RBFOX1: variants seen among roughly 807,000 people sequenced by gnomAD.
The protein encoded by RBFOX1 is RNA binding fox-1 homolog 1.
RBFOX1 carries 8 observed loss-of-function variants against 57.7 expected under a neutral mutation model. That is an observed-to-expected ratio of 0.14 (90% confidence interval 0.08 to 0.25). The LOEUF (loss-of-function observed/expected upper bound fraction) is 0.25. Ranked by LOEUF, RBFOX1 falls within the 10% of genes least tolerant of loss-of-function variation. The pLI, the probability that RBFOX1 is intolerant of heterozygous loss-of-function variation, is 1.00. For missense variants in RBFOX1, 611 were observed against 548.5 expected (o/e 1.11, Z -1.14); for synonymous variants, 326 against 222.4 (o/e 1.47, Z -4.15).
chr16:5,924,960 G>A (rs547364318), intron 4 of RBFOX1, among the ~76,000 whole-genome samples: 83 of 152,264 alleles, frequency 5.5e-4, no homozygotes, highest in African/African-American at 1.9e-3. Context: ...CCCTAAGTTG[G>A]TTCAGGGACC....
chr16:6,845,245 C>T (rs6500849), intron 3 of RBFOX1, among the ~76,000 whole-genome samples: 120,407 of 152,016 alleles, frequency 0.79, 48,558 homozygotes, highest in African/African-American at 0.95. Flanking sequence ...GTTATGAATC[C>T]TTGCCCGTAC....
intron 4 of RBFOX1, among the ~76,000 whole-genome samples, chr16:7,271,223 G>A (rs1329420597): frequency 6.6e-6 from 1 of 152,006 alleles, no homozygotes; most frequent in Admixed American, 6.6e-5. Context: ...TCCCATGCTT[G>A]CCTTTGTCTA....
At chr16:6,435,302 GTTTTGT>G (rs6145736) in intron 2 of RBFOX1, among the ~76,000 whole-genome samples, 1 of 151,268 alleles carries the variant, frequency 6.6e-6, no homozygotes, top group Non-Finnish European at 1.5e-5. Flanking sequence ...GTTGTTTTTT[GTTTTGT>G]TTTTGTTTTT....
intron 4 of RBFOX1, among the ~76,000 whole-genome samples, chr16:7,501,713 C>G (rs2070940566): frequency 6.6e-6 from 1 of 152,180 alleles, no homozygotes; most frequent in African/African-American, 2.4e-5. Context: ...TGTATCCTAC[C>G]ACCTGGCTGC....
chr16:6,764,369 T>C (rs7199188), intron 3 of RBFOX1, among the ~76,000 whole-genome samples: 45,961 of 152,118 alleles, frequency 0.3, 8,916 homozygotes, highest in Non-Finnish European at 0.43. Context: ...TCAGTCCTTA[T>C]GGTAGTCGGG....
intron 4 of RBFOX1, among the ~76,000 whole-genome samples, chr16:7,217,245 G>A (rs1426617220): frequency 6.7e-6 from 1 of 150,168 alleles, no homozygotes; most frequent in African/African-American, 2.5e-5. Context: ...GGGACTACAG[G>A]TGCGTTCCAC....
chr16:7,069,441 T>C (rs747104474), intron 4 of RBFOX1, among the ~76,000 whole-genome samples: 7 of 152,206 alleles, frequency 4.6e-5, no homozygotes, highest in Non-Finnish European at 1.0e-4. Context: ...AGTGAGAGCA[T>C]GCGGTGTTCA....
At chr16:6,315,509 ATGGG>A (rs1372753016) in intron 1 of RBFOX1, among the ~76,000 whole-genome samples, 72 of 150,202 alleles carry the variant, frequency 4.8e-4, no homozygotes, top group Admixed American at 1.3e-3. Context: ...GGATGGATGG[ATGGG>A]TGGATGGGTG....
intron 4 of RBFOX1, among the ~76,000 whole-genome samples, chr16:7,326,818 C>T (rs192414002): frequency 2.0e-5 from 3 of 152,090 alleles, no homozygotes; most frequent in Non-Finnish European, 2.9e-5. Flanking sequence ...GCCCTCAGGT[C>T]ACTTGTGATG....
At chr16:6,920,319 G>A (rs1406245006) in intron 3 of RBFOX1, among the ~76,000 whole-genome samples, 1 of 152,144 alleles carries the variant, frequency 6.6e-6, no homozygotes, top group East Asian at 1.9e-4. Context: ...TCAAACGGTA[G>A]TTCTGCTCTT....
intron 3 of RBFOX1, among the ~76,000 whole-genome samples, chr16:6,812,171 C>A (rs1166004565): frequency 6.6e-6 from 1 of 152,062 alleles, no homozygotes; most frequent in East Asian, 1.9e-4. Context: ...AGTAAAGGCC[C>A]CATAGGATTT....
At chr16:6,915,399 C>A (rs56198696) in intron 3 of RBFOX1, among the ~76,000 whole-genome samples, 2 of 152,078 alleles carry the variant, frequency 1.3e-5, no homozygotes, top group Non-Finnish European at 2.9e-5. Flanking sequence ...CATGTCACTT[C>A]TGAACTGTTT....
intron 4 of RBFOX1, among the ~76,000 whole-genome samples, chr16:7,282,673 C>G (rs865914260): frequency 6.6e-6 from 1 of 151,986 alleles, no homozygotes; most frequent in African/African-American, 2.4e-5. Flanking sequence ...TTTGGGTGCA[C>G]CCATCACCTG....
chr16:5,335,685 G>A (rs558841572), intron 1 of RBFOX1, among the ~76,000 whole-genome samples: 28 of 151,130 alleles, frequency 1.9e-4, no homozygotes, highest in Admixed American at 3.3e-4. Context: ...GTGTGGGGGT[G>A]GGAAGGATTT....
chr16:5,283,093 C>G (rs1250640128), intron 1 of RBFOX1, among the ~76,000 whole-genome samples: 1 of 152,372 alleles, frequency 6.6e-6, no homozygotes, highest in Admixed American at 6.5e-5. Flanking sequence ...GCTGTGACTT[C>G]AGAGGGTGCA....
chr16:7,492,245 T>C (rs2067184339), intron 4 of RBFOX1, among the ~76,000 whole-genome samples: 1 of 152,184 alleles, frequency 6.6e-6, no homozygotes, highest in Admixed American at 6.5e-5. Context: ...TTGTAAAAAT[T>C]CAAATAAAAG....
Position 5,327,106 on chromosome 16 carries a change from CTTA to C in RBFOX1, c.219+87007_219+87009del, listed in dbSNP as rs948541496. 1.3e-3 allele frequency among the ~76,000 whole-genome samples: 193 copies of C among 152,264 alleles called. 1 individual carries two copies. Among genetic ancestry groups the C allele is most frequent in the Non-Finnish European group, 2.2e-4 (15 of 68,024 alleles). On this transcript the variant is annotated intron_variant, in intron 1 of 2. Transcript: ENST00000585867. ...GTAGTTCTGACCGAGGAGCTGAATA[CTTA>C]TTATTTATGGAACAACTGGGAATGG...
Position 6,865,278 on chromosome 16 carries a change from C to G in RBFOX1, c.-15-186779C>G, listed in dbSNP as rs566273342. Among the ~76,000 whole-genome samples, 170 of 151,940 alleles carry G rather than the reference C, an allele frequency of 1.1e-3. 1 individual carries two copies. The highest frequency in any genetic ancestry group is 2.1e-3 in the Non-Finnish European group (143 of 68,002). On this transcript the variant is annotated intron_variant, in intron 3 of 15. Coordinates refer to ENST00000550418, the MANE Select transcript of RBFOX1 (RefSeq NM_018723.4). ...TTGGCCTCCCACAGTACTGGGATTA[C>G]AGACGTGAGCCACCGTGCCCGACCT...
intron 3 of RBFOX1, among the ~76,000 whole-genome samples, chr16:6,887,442 T>C (rs2064332838): frequency 6.6e-6 from 1 of 152,188 alleles, no homozygotes; most frequent in African/African-American, 2.4e-5. Context: ...CCATGAAAAC[T>C]AATGATCATT....
Sources: gnomAD v4.1 joint callset for allele counts (sites outside exome capture counted in the v4.1 genomes callset) on GRCh38, gnomAD v4.1.1 for gene constraint, MANE v1.5 for transcripts, NCBI Gene and HGNC (gene_info 2026-07-23, HGNC 2026-07-21) for gene names.